The following GTF2F2 variants were observed in gnomAD, a reference collection of about 807,000 sequenced individuals.
GTF2F2 encodes general transcription factor IIF subunit 2, also known as ATP-dependent helicase GTF2F2.
Under a neutral mutation model 42.2 loss-of-function variants are expected in GTF2F2, and 23 were observed. That is an observed-to-expected ratio of 0.55 (90% CI 0.39 to 0.77). The LOEUF is 0.77. Among genes scored for constraint, GTF2F2 ranks in the 30% least tolerant of loss-of-function variants. GTF2F2 has a pLI of 0.00. For synonymous variants in GTF2F2, 105 were observed against 100.8 expected, an observed-to-expected ratio of 1.04 and a Z score of -0.25; for missense variants, 261 against 287.2, an observed-to-expected ratio of 0.91 and a Z score of 0.66.
chr13:45,151,877 A>G (rs756627679), intron 4 of GTF2F2, 46 bp downstream of exon 4: 3 of 583,226 alleles, frequency 5.1e-6, no homozygotes, highest in Non-Finnish European at 5.3e-6. Flanking sequence ...TACATTTTGT[A>G]TAGATTTTCT....
At chr13:45,165,574 C>CA (rs1566120167) in intron 4 of GTF2F2, among the ~76,000 whole-genome samples, 1 of 149,156 alleles carries the variant, frequency 6.7e-6, no homozygotes, top group South Asian at 2.1e-4. Context: ...CTCGCCCCCC[C>CA]CCGCCGCCCG....
chr13:45,207,005 AAC>A (rs10547539), intron 4 of GTF2F2: 17,085 of 138,850 alleles, frequency 0.12, 987 homozygotes, highest in East Asian at 0.18. Flanking sequence ...CACATACACA[AAC>A]ACACACACAC....
At chr13:45,207,634 G>A in intron 5 of GTF2F2, 129 bp downstream of exon 5, 3 of 579,520 alleles carry the variant, frequency 5.2e-6, no homozygotes, top group Non-Finnish European at 9.3e-6. Flanking sequence ...AAAGCTGTTT[G>A]GTTTTAAAAG....
chr13:45,271,830 A>T (rs904512002), intron 7 of GTF2F2, among the ~76,000 whole-genome samples: 63 of 152,104 alleles, frequency 4.1e-4, no homozygotes, highest in African/African-American at 1.5e-3. Context: ...TTTCTATATT[A>T]TTAAGAATCA....
intron 4 of GTF2F2, chr13:45,194,382 T>C (rs769214534): frequency 6.2e-7 from 1 of 1,614,178 alleles, no homozygotes; most frequent in East Asian, 2.2e-5. Flanking sequence ...TTCCATTTAC[T>C]ATACCTTCAA....
At chr13:45,137,362 A>G (rs1014086349) in intron 2 of GTF2F2, among the ~76,000 whole-genome samples, 1 of 152,198 alleles carries the variant, frequency 6.6e-6, no homozygotes, top group African/African-American at 2.4e-5. Context: ...ATTCATTCTT[A>G]ACCAACTCCA....
chr13:45,187,343 A>G (rs561061345), intron 4 of GTF2F2, among the ~76,000 whole-genome samples: 1 of 152,358 alleles, frequency 6.6e-6, no homozygotes, highest in Admixed American at 6.5e-5. Flanking sequence ...TGGTTGAAAT[A>G]AAACTAGAAT....
chr13:45,165,325 A>ATG (rs1385060491), intron 4 of GTF2F2, among the ~76,000 whole-genome samples: 1 of 132,342 alleles, frequency 7.6e-6, no homozygotes, highest in South Asian at 2.2e-4. Flanking sequence ...ATATATATAT[A>ATG]TATATATTTT....
chr13:45,266,640 T>C (rs574227653), intron 6 of GTF2F2, among the ~76,000 whole-genome samples: 1 of 152,300 alleles, frequency 6.6e-6, no homozygotes, highest in African/African-American at 2.4e-5. Flanking sequence ...CGCACTGAAT[T>C]GATACAGTTT....
intron 4 of GTF2F2, chr13:45,194,703 T>G (rs888972853): frequency 1.3e-6 from 1 of 774,658 alleles, no homozygotes; most frequent in African/African-American, 1.7e-5. Flanking sequence ...GCCTGCGCTG[T>G]CAGCTCGGTT....
intron 2 of GTF2F2, among the ~76,000 whole-genome samples, chr13:45,142,294 G>A (rs1869964750): frequency 6.6e-6 from 1 of 152,292 alleles, no homozygotes; most frequent in South Asian, 2.1e-4. Context: ...AGCCTCCTGA[G>A]TAGCTGGGAT....
At chr13:45,274,323 C>CTTTTTTTTTT (rs367793010) in intron 7 of GTF2F2, among the ~76,000 whole-genome samples, 3 of 102,430 alleles carry the variant, frequency 2.9e-5, no homozygotes, top group African/African-American at 8.6e-5. Context: ...ACAAATTATA[C>CTTTTTTTTTT]TTTTTTTTTT....
chr13:45,209,782 C>A (rs528240637), intron 5 of GTF2F2, among the ~76,000 whole-genome samples: 1 of 152,288 alleles, frequency 6.6e-6, no homozygotes, highest in African/African-American at 2.4e-5. Context: ...TCCCGCAAAA[C>A]CCGCTCTACT....
chr13:45,129,879 AG>A (rs1869245275), intron 1 of GTF2F2, among the ~76,000 whole-genome samples: 1 of 152,268 alleles, frequency 6.6e-6, no homozygotes. Context: ...TAGGGCAGGA[AG>A]GGACCTCACT....
At chr13:45,168,817 T>C (rs986490802) in intron 4 of GTF2F2, among the ~76,000 whole-genome samples, 40 of 126,918 alleles carry the variant, frequency 3.2e-4, no homozygotes, top group African/African-American at 1.3e-3. Context: ...CCTTCCTTCC[T>C]TCCTTCCTTC....
chr13:45,193,934 C>G (rs1872759022), intron 4 of GTF2F2: 11 of 1,613,956 alleles, frequency 6.8e-6, no homozygotes, highest in African/African-American at 1.3e-5. Context: ...GTGTTGTCTT[C>G]CTTTAGTACA....
chr13:45,216,904 C>T (rs1873911864), intron 5 of GTF2F2, among the ~76,000 whole-genome samples: 1 of 152,122 alleles, frequency 6.6e-6, no homozygotes, highest in Non-Finnish European at 1.5e-5. Context: ...CATTTTAACT[C>T]AGGTGTGCAC....
rs1217605718 is a variant in GTF2F2 at position 45,151,742 on chromosome 13, C to T, written c.215C>T (p.Pro72Leu). The T allele has an allele frequency of 1.6e-5, 25 of 1,599,618 alleles. No individual in the cohort carries two copies. Among genetic ancestry groups the T allele is most frequent in the Non-Finnish European group, 5.1e-6 (6 of 1,169,428 alleles). ...AATATTCATGATATTGGTGGAAAACCAGCTTCAGTCAGTGCTCCTAGAGAA... is the reference window on the plus strand; with the variant it reads ...AATATTCATGATATTGGTGGAAAACTAGCTTCAGTCAGTGCTCCTAGAGAA... ...LANIHDIGGK[P>L]ASVSAPREHP... is the part of the protein sequence containing the mutation. The change falls in exon 4 of 8, where the codon CCA (proline) becomes CTA (leucine). Residue 72 changes from proline to leucine, a missense_variant. Physicochemically the swap from Pro to Leu is moderately conservative, Grantham distance 98. Transcript: ENST00000340473.
At chr13:45,127,952 T>C (rs1593443019) in intron 1 of GTF2F2, among the ~76,000 whole-genome samples, 2 of 132,682 alleles carry the variant, frequency 1.5e-5, no homozygotes, top group African/African-American at 2.8e-5. Context: ...TTTTTTTTTT[T>C]TTTTTTTTTT....
Sources: allele counts gnomAD v4.1 joint callset (sites outside exome capture counted in the v4.1 genomes callset), GRCh38; gene constraint gnomAD v4.1.1; transcripts MANE v1.5; gene names NCBI Gene and HGNC (gene_info 2026-07-23, HGNC 2026-07-21).